The following TEX11 variants were observed in gnomAD, a reference collection of about 807,000 sequenced individuals.
TEX11 encodes testis-expressed protein 11.
Under a neutral mutation model 84.4 loss-of-function variants are expected in TEX11, and 7 were observed. The observed-to-expected ratio is 0.08, with a 90% CI of 0.05 to 0.16. TEX11 has a LOEUF of 0.16. Among genes scored for constraint, TEX11 ranks in the 10% least tolerant of loss-of-function variants. TEX11 has a pLI of 1.00. For missense variants in TEX11, 551 were observed against 660.5 expected, an observed-to-expected ratio of 0.83 and a Z score of 1.82; for synonymous variants, 264 against 222.8, an observed-to-expected ratio of 1.18 and a Z score of -1.64.
Position 70,683,383 on chromosome X carries a change from C to A in TEX11, c.1005-558G>T, listed in dbSNP as rs967652666. On this transcript the variant is annotated intron_variant, in intron 13 of 29. Transcript: ENST00000374333. ...TGGTGGTTCACGCCTGTAATCCCAG[C>A]ACTTTGAGAGGCTGAGGTGGGCAGA... Among the ~76,000 whole-genome samples, 3 of 111,909 alleles carry A rather than the reference C, an allele frequency of 2.7e-5. No individual in the cohort carries two copies. The East Asian group carries it at 8.4e-4, about 31-fold the overall frequency.
At chrX:70,562,045 C>G (rs1482910245) in intron 25 of TEX11, among the ~76,000 whole-genome samples, 1 of 111,736 alleles carries the variant, frequency 8.9e-6, no homozygotes, top group Non-Finnish European at 1.9e-5. Context: ...GTGTTATGGG[C>G]CACACTCATC....
chrX:70,833,503 C>CT lies in TEX11; in HGVS notation c.606+9dup, dbSNP rs779285225. On this transcript the variant is annotated intron_variant, in intron 8 of 29. Transcript: ENST00000374333. Reference sequence around the variant, plus strand: ...TTTTCAAACTCTTGGAGAATGCAGACTTCACTCACCATCTGGGGGAGCCTC... The same window carrying CT: ...TTTTCAAACTCTTGGAGAATGCAGACTTTCACTCACCATCTGGGGGAGCCTC... 15 of 1,192,445 alleles carry CT rather than the reference C, an allele frequency of 1.3e-5. No homozygotes were observed.
At chrX:70,897,659 GGAAGGAAAA>G (rs2091777836) in intron 2 of TEX11, 1 of 70,809 alleles carries the variant, frequency 1.4e-5, no homozygotes, top group Non-Finnish European at 2.6e-5. Flanking sequence ...AAGGAAGGAA[GGAAGGAAAA>G]CAAAGAAAGA....
intron 16 of TEX11, among the ~76,000 whole-genome samples, chrX:70,667,273 C>A (rs2089984049): frequency 9.0e-6 from 1 of 111,721 alleles, no homozygotes; most frequent in Non-Finnish European, 1.9e-5. Flanking sequence ...GCCTGCAAAA[C>A]CTAAAATATT....
chrX:70,602,054 C>A (rs1287984057), intron 24 of TEX11, among the ~76,000 whole-genome samples: 2 of 111,445 alleles, frequency 1.8e-5, no homozygotes, highest in Non-Finnish European at 3.8e-5. Context: ...CCGCTGGGCA[C>A]ACCTCCCAGA....
rs141775053 is a variant in TEX11, at chrX:70,796,178, G to A, written c.692+10527C>T. Among the ~76,000 whole-genome samples the A allele has an allele frequency of 8.1e-3, 903 of 111,646 alleles. 7 individuals carry two copies. The highest frequency in any genetic ancestry group is 0.028 in the African/African-American group (868 of 30,793). On this transcript the variant is annotated intron_variant, in intron 9 of 29. Coordinates refer to ENST00000374333, the MANE Select transcript of TEX11 (RefSeq NM_031276.3). ...GATTGAAATAATTACAAAGAATCAA[G>A]CAGAAATTCTGGAATAGAAAAATGC...
intron 18 of TEX11, among the ~76,000 whole-genome samples, chrX:70,626,074 T>C (rs751748812): frequency 1.8e-5 from 2 of 111,353 alleles, no homozygotes; most frequent in East Asian, 5.6e-4. Flanking sequence ...AATATATAGG[T>C]AGAGGATCCT....
chrX:70,705,276 C>A (rs2090362655), intron 13 of TEX11, among the ~76,000 whole-genome samples: 1 of 111,620 alleles, frequency 9.0e-6, no homozygotes. Context: ...CTTGGCAATG[C>A]AGGCCCTTTT....
In TEX11 at chrX:70,699,847, T is replaced by C. The variant is rs182089519; in HGVS notation, c.1005-17022A>G. 1.4e-4 allele frequency among the ~76,000 whole-genome samples: 16 copies of C among 110,440 alleles called. No individual in the cohort carries two copies. The Admixed American group carries it at 1.5e-3, about 10-fold the overall frequency. On this transcript the variant is annotated intron_variant, in intron 13 of 29. Coordinates refer to ENST00000374333, the MANE Select transcript of TEX11 (RefSeq NM_031276.3). ...CTAGGCATGACACAAAATCCACAAG[T>C]CATAAAAAAAGAAGGCTGACAATTT...
intron 9 of TEX11, among the ~76,000 whole-genome samples, chrX:70,753,232 G>A (rs1207022765): frequency 9.2e-6 from 1 of 109,057 alleles, no homozygotes; most frequent in Non-Finnish European, 1.9e-5. Context: ...CGGGGAGGGC[G>A]TGCAAACTAC....
At chrX:70,898,233 A>T (rs1280583026) in intron 2 of TEX11, among the ~76,000 whole-genome samples, 4 of 112,079 alleles carry the variant, frequency 3.6e-5, no homozygotes, top group African/African-American at 1.3e-4. Context: ...ATAAAAATTT[A>T]AAAATTATAA....
chrX:70,760,229 C>G (rs2090899527), intron 9 of TEX11, among the ~76,000 whole-genome samples: 1 of 111,846 alleles, frequency 8.9e-6, no homozygotes, highest in African/African-American at 3.2e-5. Context: ...CATCAAGCTA[C>G]CAATGACTTT....
intron 13 of TEX11, among the ~76,000 whole-genome samples, chrX:70,706,734 T>C (rs1332632272): frequency 9.0e-6 from 1 of 111,375 alleles, no homozygotes; most frequent in Non-Finnish European, 1.9e-5. Flanking sequence ...AAATGACTGG[T>C]ACATTGTAGG....
At chrX:70,840,228 A>G (rs2091434002) in intron 7 of TEX11, among the ~76,000 whole-genome samples, 1 of 111,689 alleles carries the variant, frequency 9.0e-6, no homozygotes, top group South Asian at 3.8e-4. Flanking sequence ...GCAGCCAGAG[A>G]GAAAGGTCGG....
chrX:70,760,829 A>G (rs1191887299), intron 9 of TEX11, among the ~76,000 whole-genome samples: 2 of 111,893 alleles, frequency 1.8e-5, no homozygotes, highest in African/African-American at 6.5e-5. Flanking sequence ...GGCAGCCTAC[A>G]GAATGGGAGA....
intron 25 of TEX11, among the ~76,000 whole-genome samples, chrX:70,590,617 A>C (rs1603112254): frequency 8.9e-6 from 1 of 112,290 alleles, no homozygotes; most frequent in Non-Finnish European, 1.9e-5. Flanking sequence ...AACACATTGT[A>C]AAAACTTCAG....
chrX:70,862,735 C>T (rs1314494149), intron 4 of TEX11, among the ~76,000 whole-genome samples: 2 of 99,393 alleles, frequency 2.0e-5, no homozygotes, highest in Non-Finnish European at 4.1e-5. Context: ...GTAACCACAT[C>T]TCTAGTAAAA....
At chrX:70,621,341 T>G (rs1254280841) in intron 20 of TEX11, among the ~76,000 whole-genome samples, 3 of 103,269 alleles carry the variant, frequency 2.9e-5, no homozygotes, top group African/African-American at 1.1e-4. Flanking sequence ...GCCAACATAG[T>G]GAAACCCCGT....
chrX:70,598,366 G>A (rs189911702), intron 24 of TEX11, among the ~76,000 whole-genome samples: 14 of 111,690 alleles, frequency 1.3e-4, no homozygotes, highest in Admixed American at 8.6e-4. Flanking sequence ...ATAATAACAA[G>A]TGGTGGCAAG....
Sources: gnomAD v4.1 joint callset for allele counts (sites outside exome capture counted in the v4.1 genomes callset) on GRCh38, gnomAD v4.1.1 for gene constraint, MANE v1.5 for transcripts, NCBI Gene and HGNC (gene_info 2026-07-23, HGNC 2026-07-21) for gene names.